OR1L6: variants seen among roughly 807,000 people sequenced by gnomAD.
The protein encoded by OR1L6 is olfactory receptor 1L6.
A neutral mutation model predicts 3.0 loss-of-function variants in OR1L6; 2 were observed. That is an observed-to-expected ratio of 0.68 (90% CI 0.28 to 2.13). The LOEUF (loss-of-function observed/expected upper bound fraction) is 2.13, where lower values mean the gene tolerates loss of function less well. OR1L6 is among the 30% of genes most tolerant of loss of function. The probability of loss-of-function intolerance (pLI) is 0.14; values close to 1 mark genes in which losing one functional copy is unlikely to be tolerated. For missense variants in OR1L6, 304 were observed against 378.4 expected, an observed-to-expected ratio of 0.80 and a Z score of 1.63; for synonymous variants, 121 against 148.4, an observed-to-expected ratio of 0.82 and a Z score of 1.34.
At chr9:122,749,569 G>A (rs572717574) in intron 1 of OR1L6, among the ~76,000 whole-genome samples, 5 of 152,242 alleles carry the variant, frequency 3.3e-5, no homozygotes, top group South Asian at 4.2e-4. Context: ...TTAGCCGGGC[G>A]TGGTGGCGGA....
At chr9:122,747,746 G>C (rs1033473935) in intron 1 of OR1L6, among the ~76,000 whole-genome samples, 9 of 150,742 alleles carry the variant, frequency 6.0e-5, no homozygotes, top group African/African-American at 2.2e-4. Flanking sequence ...AATTTTATCT[G>C]GTTAGTTTGG....
Position 122,749,841 on chromosome 9 carries a change from C to T in OR1L6, c.-7C>T. The T allele has an allele frequency of 1.9e-6, 3 of 1,614,112 alleles. No individual in the cohort carries two copies. The highest frequency in any genetic ancestry group is 1.1e-5 in the South Asian group (1 of 91,072). On this transcript the variant is annotated 5_prime_UTR_variant, in exon 2 of 2. Coordinates refer to ENST00000304720, the MANE Select transcript of OR1L6 (RefSeq NM_001004453.3). Reference sequence around the variant, plus strand: ...TTCTCCAAACCCTATCCAGGAAGTCCAGAGACATGGAGATAAAGAACTACA... The same window carrying T: ...TTCTCCAAACCCTATCCAGGAAGTCTAGAGACATGGAGATAAAGAACTACA...
intron 1 of OR1L6, 148 bp from the exon 2 acceptor site, chr9:122,749,687 G>C (rs1828870041): frequency 1.3e-6 from 1 of 782,842 alleles, no homozygotes; most frequent in Non-Finnish European, 2.2e-6. Flanking sequence ...CAGTCTGGGC[G>C]ACAGACCGAG....
intron 1 of OR1L6, among the ~76,000 whole-genome samples, chr9:122,744,027 A>G (rs1828811821): frequency 6.6e-6 from 1 of 152,156 alleles, no homozygotes; most frequent in Non-Finnish European, 1.5e-5. Context: ...TGAACCCTAG[A>G]TACACCACTC....
intron 1 of OR1L6, among the ~76,000 whole-genome samples, chr9:122,746,304 G>T (rs1828836298): frequency 6.6e-6 from 1 of 152,102 alleles, no homozygotes; most frequent in South Asian, 2.1e-4. Context: ...TAATGTCTAT[G>T]TCATAGGATT....
At chr9:122,748,306 GAGAGGACCCTGA>G (rs1828855668) in intron 1 of OR1L6, among the ~76,000 whole-genome samples, 1 of 152,026 alleles carries the variant, frequency 6.6e-6, no homozygotes, top group Non-Finnish European at 1.5e-5. Context: ...CTATGAGCAG[GAGAGGACCCTGA>G]ATGAAAGGGT....
intron 1 of OR1L6, among the ~76,000 whole-genome samples, chr9:122,744,378 C>G (rs1379653423): frequency 1.3e-5 from 2 of 152,070 alleles, no homozygotes; most frequent in African/African-American, 4.8e-5. Flanking sequence ...TCAGTGTGTA[C>G]TCCCTGGTTT....
In OR1L6 at chr9:122,750,726, G is replaced by A. The variant is rs765804552; in HGVS notation, c.879G>A (p.Leu293=). The change falls in exon 2 of 2, where the codon CTG becomes CTA. Residue 293 remains leucine (L), a synonymous_variant. Coordinates refer to ENST00000304720, the MANE Select transcript of OR1L6 (RefSeq NM_001004453.3). ...TPMLNPFIYS[L]RNKDMKRGLK... is the part of the protein sequence containing the mutation. The stretch of plus-strand genomic sequence containing the variant: ...TGCTGAACCCTTTCATCTACAGCCT[G>A]AGGAACAAAGATATGAAGAGGGGTT... The A allele has an allele frequency of 1.2e-6, 2 of 1,612,704 alleles. No homozygotes were observed. Among genetic ancestry groups the A allele is most frequent in the Non-Finnish European group, 1.7e-6 (2 of 1,179,890 alleles).
intron 1 of OR1L6, among the ~76,000 whole-genome samples, chr9:122,746,391 T>C (rs1828836804): frequency 6.6e-6 from 1 of 152,210 alleles, no homozygotes; most frequent in East Asian, 1.9e-4. Context: ...TAATAAATAT[T>C]GGCTAACATT....
At chr9:122,744,850 C>G (rs1355842336) in intron 1 of OR1L6, among the ~76,000 whole-genome samples, 1 of 152,128 alleles carries the variant, frequency 6.6e-6, no homozygotes, top group Admixed American at 6.5e-5. Context: ...AATGACTTGC[C>G]CGAGGCATGA....
chr9:122,748,082 GTACT>G (rs1828853747), intron 1 of OR1L6, among the ~76,000 whole-genome samples: 4 of 152,068 alleles, frequency 2.6e-5, no homozygotes, highest in Non-Finnish European at 4.4e-5. Context: ...ATTCCTGGTA[GTACT>G]CCTATTTTGA....
At position 122,750,583 on chromosome 9, in the gene OR1L6, C is replaced by G; in HGVS notation, c.736C>G (p.Leu246Val). Residue 246 changes from leucine to valine, a missense_variant, in exon 2 of 2, where the codon CTC becomes GTC. Leu to Val is a conservative substitution (Grantham distance 32, BLOSUM62 1). Around this residue, in one of 3 missense-constraint regions of OR1L6, gnomAD observed 91 missense variants for 87.8 expected, o/e 1.04. Transcript: ENST00000304720. The part of the protein sequence containing the change: ...WKAFSTCGSH[L>V]TAVALFYGSI... Reference sequence around the variant, plus strand: ...GGCCTTCTCTACCTGTGGCTCCCACCTCACTGCAGTAGCCCTTTTCTATGG... The same window carrying G: ...GGCCTTCTCTACCTGTGGCTCCCACGTCACTGCAGTAGCCCTTTTCTATGG... 1 of 1,614,032 alleles carries G rather than the reference C, an allele frequency of 6.2e-7. No homozygotes were observed. Among genetic ancestry groups the G allele is most frequent in the Non-Finnish European group, 8.5e-7 (1 of 1,179,992 alleles).
rs1828886023 is a variant in OR1L6 at position 122,750,638 on chromosome 9, T to C, written c.791T>C (p.Leu264Pro). Residue 264 changes from leucine to proline, a missense_variant, in exon 2 of 2, where the codon CTG (leucine) becomes CCG (proline). Coordinates refer to ENST00000304720, the MANE Select transcript of OR1L6 (RefSeq NM_001004453.3). ...GSIIYVYFRP[L>P]SMYSVVRDRV... ...ATTATTTATGTCTATTTTAGGCCCCTGTCCATGTACTCAGTGGTTAGGGAC... is the reference window on the plus strand; with the variant it reads ...ATTATTTATGTCTATTTTAGGCCCCCGTCCATGTACTCAGTGGTTAGGGAC... The C allele has an allele frequency of 6.2e-7, 1 of 1,614,234 alleles. No individual in the cohort carries two copies.
intron 1 of OR1L6, among the ~76,000 whole-genome samples, chr9:122,747,341 C>CTATTA (rs1828845861): frequency 6.6e-6 from 1 of 151,858 alleles, no homozygotes; most frequent in Non-Finnish European, 1.5e-5. Context: ...TTGTTTTTCA[C>CTATTA]TATTATGTAA....
chr9:122,743,248 A>C (rs1190519230), intron 1 of OR1L6, among the ~76,000 whole-genome samples: 1 of 152,210 alleles, frequency 6.6e-6, no homozygotes, highest in Non-Finnish European at 1.5e-5. Context: ...AGTGATTCCC[A>C]GGAGAAGAAA....
At chr9:122,746,062 C>T (rs1026086408) in intron 1 of OR1L6, among the ~76,000 whole-genome samples, 7 of 152,108 alleles carry the variant, frequency 4.6e-5, no homozygotes, top group Non-Finnish European at 1.0e-4. Context: ...TGATGTTCCC[C>T]TCCCTGTGTC....
At position 122,750,132 on chromosome 9, in the gene OR1L6, T is replaced by G; in HGVS notation, c.285T>G (p.Tyr95Ter). ...TATCAGAGACAAAGGTTATCTCCTATGTGGGCTGCCTGGCCCAGATGTACT... is the reference window on the plus strand; with the variant it reads ...TATCAGAGACAAAGGTTATCTCCTAGGTGGGCTGCCTGGCCCAGATGTACT... Reference protein sequence around the residue: ...NFLSETKVISYVGCLAQMYFF... With the variant: ...NFLSETKVIS The change falls in exon 2 of 2, where the codon TAT becomes TAG. Residue 95 changes from tyrosine (Y) to a stop codon, truncating the protein, a stop_gained. Coordinates refer to ENST00000304720, the MANE Select transcript of OR1L6 (RefSeq NM_001004453.3). LOFTEE classifies it high-confidence loss of function. 1.9e-6 allele frequency: 3 copies of G among 1,613,580 alleles called. No homozygotes were observed. The highest frequency in any genetic ancestry group is 2.5e-6 in the Non-Finnish European group (3 of 1,179,618).
intron 1 of OR1L6, among the ~76,000 whole-genome samples, chr9:122,743,127 T>C (rs778980718): frequency 9.2e-5 from 14 of 152,234 alleles, no homozygotes; most frequent in African/African-American, 2.7e-4. Context: ...GTTGCACTTA[T>C]AAATACTGGC....
chr9:122,749,822 A>G lies in OR1L6; in HGVS notation c.-13-13A>G. ...TTTACATCTCTCCCACTGCTTCTCC[A>G]AACCCTATCCAGGAAGTCCAGAGAC... is the stretch of plus-strand genomic sequence containing the variant. On this transcript the variant is annotated splice_polypyrimidine_tract_variant and intron_variant, in intron 1 of 1. Transcript: ENST00000304720. 1 of 1,613,728 alleles carries G rather than the reference A, an allele frequency of 6.2e-7. No homozygotes were observed.
Sources: gnomAD v4.1 joint callset for allele counts (sites outside exome capture counted in the v4.1 genomes callset) on GRCh38, gnomAD v4.1.1 for gene constraint, gnomAD v4.1.1 regional missense constraint, MANE v1.5 for transcripts, NCBI Gene and HGNC (gene_info 2026-07-23, HGNC 2026-07-21) for gene names.